Variants in CA10 observed in about 807,000 individuals in gnomAD.
CA10 encodes carbonic anhydrase-related protein 10.
Under a neutral mutation model 44.2 loss-of-function variants are expected in CA10, and 14 were observed. That is an observed-to-expected ratio of 0.32 (90% CI 0.21 to 0.50). The LOEUF (loss-of-function observed/expected upper bound fraction) is 0.50. Among genes scored for constraint, CA10 ranks in the 20% least tolerant of loss-of-function variants. The pLI is 0.99. For synonymous variants in CA10, 159 were observed against 141.6 expected (o/e 1.12, Z -0.87); for missense variants, 350 against 409.7 (o/e 0.85, Z 1.26).
intron 4 of CA10, among the ~76,000 whole-genome samples, chr17:51,683,589 C>A (rs771700304): frequency 1.3e-5 from 2 of 152,086 alleles, no homozygotes; most frequent in Non-Finnish European, 2.9e-5. Context: ...TTGTGCAATA[C>A]GTAAAGCTTT....
chr17:51,986,740 C>T (rs1019243409), intron 2 of CA10, among the ~76,000 whole-genome samples: 13 of 151,420 alleles, frequency 8.6e-5, no homozygotes, highest in Admixed American at 6.6e-5. Flanking sequence ...CACAAATGGC[C>T]GACAAACATG....
At chr17:52,107,123 A>G (rs1338553451) in intron 1 of CA10, among the ~76,000 whole-genome samples, 1 of 152,190 alleles carries the variant, frequency 6.6e-6, no homozygotes, top group East Asian at 1.9e-4. Context: ...TCATCTATGA[A>G]AGGAGAAGGT....
At position 51,631,424 on chromosome 17, in the gene CA10, A is replaced by C. The variant is rs1851489411; in HGVS notation, c.*160T>G. 1.4e-6 allele frequency: 1 copy of C among 725,458 alleles called. No homozygotes were observed. Among genetic ancestry groups the C allele is most frequent in the Non-Finnish European group, 2.5e-6 (1 of 402,904 alleles). The allele number at this position is 725,458 out of a possible 1,614,324, so 44.9% of individuals were successfully genotyped here. On this transcript the variant is annotated 3_prime_UTR_variant, in exon 9 of 9. Transcript: ENST00000451037. ...TGTGTGAGAGATGTATTCCTCTGCCATGGTTTTGCAGACACTTTTCATGAA... is the reference window on the plus strand; with the variant it reads ...TGTGTGAGAGATGTATTCCTCTGCCCTGGTTTTGCAGACACTTTTCATGAA...
At chr17:51,916,891 T>C (rs949653873) in intron 3 of CA10, among the ~76,000 whole-genome samples, 7 of 152,176 alleles carry the variant, frequency 4.6e-5, no homozygotes, top group African/African-American at 1.7e-4. Flanking sequence ...GGCCAAACCA[T>C]GGCCACCGGA....
chr17:51,890,358 A>G (rs1371335913), intron 3 of CA10, among the ~76,000 whole-genome samples: 3 of 152,080 alleles, frequency 2.0e-5, no homozygotes, highest in Non-Finnish European at 4.4e-5. Context: ...CGAGTTTAAG[A>G]CTTGTTGCCA....
intron 2 of CA10, among the ~76,000 whole-genome samples, chr17:51,975,872 GA>G (rs139387796): frequency 0.01 from 1,026 of 97,854 alleles, 12 homozygotes; most frequent in Middle Eastern, 0.039. Flanking sequence ...CTCTGTCTCG[GA>G]AAAAAAAAAA....
Sources: allele counts gnomAD v4.1 joint callset (sites outside exome capture counted in the v4.1 genomes callset), GRCh38; gene constraint gnomAD v4.1.1; transcripts MANE v1.5; gene names NCBI Gene and HGNC (gene_info 2026-07-23, HGNC 2026-07-21).